Variants in GSE1 observed in about 807,000 individuals in gnomAD.
GSE1 encodes the protein genetic suppressor element 1.
In GSE1, 32 loss-of-function variants were observed where a neutral mutation model predicts 112.6. The ratio of observed to expected loss-of-function variants is 0.28; its 90% confidence interval spans 0.21 to 0.38. The LOEUF is 0.38. GSE1 is among the 10% of genes least tolerant of loss of function. The pLI is 1.00. For missense variants in GSE1, 2,348 were observed against 1,699.2 expected (o/e 1.38, Z -6.71); for synonymous variants, 1,115 against 735.6 (o/e 1.52, Z -8.35).
At chr16:85,484,293 C>T (rs1597908719) in intron 2 of GSE1, among the ~76,000 whole-genome samples, 1 of 152,346 alleles carries the variant, frequency 6.6e-6, no homozygotes, top group South Asian at 2.1e-4. Context: ...GGTCTGCGCT[C>T]AGAGCCAGCA....
intron 1 of GSE1, among the ~76,000 whole-genome samples, chr16:85,226,212 C>G (rs926071629): frequency 1.1e-4 from 17 of 152,158 alleles, no homozygotes; most frequent in Non-Finnish European, 2.2e-4. Flanking sequence ...GGCAGAGAGG[C>G]CGTCTATCAG....
upstream of GSE1, among the ~76,000 whole-genome samples, chr16:85,553,249 G>T (rs2045018462): frequency 6.7e-6 from 1 of 150,204 alleles, no homozygotes; most frequent in Admixed American, 6.6e-5. Context: ...GGTGGGGGCA[G>T]GGAGGGCAGG....
chr16:85,236,966 C>A (rs1904729787), intron 1 of GSE1, among the ~76,000 whole-genome samples: 1 of 152,312 alleles, frequency 6.6e-6, no homozygotes, highest in African/African-American at 2.4e-5. Context: ...CATTTATGAC[C>A]ACTGTCACCA....
chr16:85,536,884 C>G (rs985021517), intron 2 of GSE1, among the ~76,000 whole-genome samples: 8 of 152,232 alleles, frequency 5.3e-5, no homozygotes, highest in African/African-American at 1.9e-4. Flanking sequence ...TGTAGAAACT[C>G]AGGACCTGGA....
rs759634748 is a variant in GSE1 at position 85,373,789 on chromosome 16, G to A, written c.2464+16146G>A. 1.5e-4 allele frequency among the ~76,000 whole-genome samples: 23 copies of A among 152,130 alleles called. No homozygotes were observed. Among genetic ancestry groups the A allele is most frequent in the Non-Finnish European group, 2.1e-4 (14 of 68,008 alleles). ...GCAGGCCTGGGGACCCTGGATCCCC[G>A]AGGCAGCCCAGGGCAGGGTGATTGT... On this transcript the variant is annotated intron_variant, in intron 2 of 2. Coordinates refer to the GSE1 transcript ENST00000637419. This position sits in a 1 kb window ranked among gnomAD's most constrained non-coding sequence, Gnocchi z 5.1.
intron 2 of GSE1, among the ~76,000 whole-genome samples, chr16:85,465,699 ATGT>A (rs931262065): frequency 3.9e-5 from 6 of 152,150 alleles, no homozygotes; most frequent in African/African-American, 1.4e-4. Flanking sequence ...CTCATGGTCT[ATGT>A]TGTTGTTTTT....
At chr16:85,613,280 G>C, upstream of GSE1, 1 of 1,538,668 alleles carries the variant, frequency 6.5e-7, no homozygotes, top group South Asian at 1.2e-5. Flanking sequence ...CTCCCCAGCG[G>C]GCCCGAGCTG....
chr16:85,392,552 A>T (rs1202116123), intron 2 of GSE1, among the ~76,000 whole-genome samples: 1 of 152,188 alleles, frequency 6.6e-6, no homozygotes, highest in Non-Finnish European at 1.5e-5. Flanking sequence ...TGTGCTTTAA[A>T]TGGGATCATA....
In GSE1 at chr16:85,362,024, G is replaced by T. The variant is rs938491242; in HGVS notation, c.2464+4381G>T. 5.9e-5 allele frequency among the ~76,000 whole-genome samples: 9 copies of T among 152,320 alleles called. No individual in the cohort carries two copies. In the South Asian group the frequency reaches 6.2e-4, roughly 11 times the overall value. On this transcript the variant is annotated intron_variant, in intron 2 of 2. Transcript: ENST00000637419. ...GTTCCCAGGTGTTGCATTTGAAGTG[G>T]CCGTCTGGGAGGTGGCCACTTGCTG...
At chr16:85,246,332 C>CACACACA (rs566558868) in intron 1 of GSE1, among the ~76,000 whole-genome samples, 3 of 35,924 alleles carry the variant, frequency 8.4e-5, no homozygotes, top group Admixed American at 3.5e-4. Flanking sequence ...CACACACACA[C>CACACACA]CCCCCACACG....
intron 1 of GSE1, among the ~76,000 whole-genome samples, chr16:85,289,262 C>A (rs997408330): frequency 6.6e-6 from 1 of 152,174 alleles, no homozygotes; most frequent in African/African-American, 2.4e-5. Flanking sequence ...ATCCTCCCGC[C>A]ATTGGCCTCC....
At chr16:85,322,772 T>C (rs1036124719) in intron 1 of GSE1, among the ~76,000 whole-genome samples, 3 of 152,200 alleles carry the variant, frequency 2.0e-5, no homozygotes, top group South Asian at 2.1e-4. Context: ...TCCACCACCA[T>C]GCCTGGCTAA....
intron 2 of GSE1, among the ~76,000 whole-genome samples, chr16:85,461,886 G>C (rs2049978813): frequency 6.6e-6 from 1 of 152,098 alleles, no homozygotes; most frequent in East Asian, 1.9e-4. Flanking sequence ...CCTGAGAGCG[G>C]CAGGCAGCCC....
intron 2 of GSE1, among the ~76,000 whole-genome samples, chr16:85,404,593 GCC>G (rs1311684243): frequency 1.6e-5 from 1 of 62,900 alleles, no homozygotes; most frequent in African/African-American, 8.9e-5. Flanking sequence ...TTACACTCAG[GCC>G]CCCCGGATAA....
At chr16:85,398,627 C>G (rs78311856) in intron 2 of GSE1, among the ~76,000 whole-genome samples, 3,160 of 152,266 alleles carry the variant, frequency 0.021, 193 homozygotes, top group Admixed American at 0.13. Flanking sequence ...CTGCATGACT[C>G]TGGACCTCAG....
At chr16:85,418,226 T>C (rs1307314810) in intron 2 of GSE1, among the ~76,000 whole-genome samples, 1 of 152,218 alleles carries the variant, frequency 6.6e-6, no homozygotes, top group Non-Finnish European at 1.5e-5. Flanking sequence ...GGAAATGTGC[T>C]CCGGGAAGCG....
rs1193740358 is a variant in GSE1 at position 85,673,457 on chromosome 16, GTTGTT to G, written c.*922_*926del. On this transcript the variant is annotated 3_prime_UTR_variant, in exon 16 of 16. Coordinates refer to ENST00000253458, the MANE Select transcript of GSE1 (RefSeq NM_014615.5). ...TTTTTCCTGTTTGGGGGTTTTGTTT[GTTGTT>G]TTGGTTTTTTTTGGGCAAAAAAAAA... is the stretch of plus-strand genomic sequence containing the variant. 6 of 121,614 alleles carry G rather than the reference GTTGTT, an allele frequency of 4.9e-5. No homozygotes were observed. Among genetic ancestry groups the G allele is most frequent in the Admixed American group, 1.7e-4 (2 of 12,082 alleles). 7.5% of individuals were successfully genotyped at this position (121,614 alleles called of 1,614,324 possible). A position where few individuals can be genotyped will look rare whatever the true frequency, so the allele number is the denominator to read the frequency against.
chr16:85,473,485 G>A (rs1030321334), intron 2 of GSE1, among the ~76,000 whole-genome samples: 1 of 152,194 alleles, frequency 6.6e-6, no homozygotes, highest in African/African-American at 2.4e-5. Context: ...TGGCAGGGCC[G>A]GGCTCTCTCC....
intron 1 of GSE1, among the ~76,000 whole-genome samples, chr16:85,588,918 C>A (rs1031139815): frequency 1.3e-5 from 2 of 152,110 alleles, no homozygotes; most frequent in Admixed American, 6.5e-5. Context: ...TGAGAGTCCC[C>A]CCAGGGACTT....
Sources: gnomAD v4.1 joint callset for allele counts (sites outside exome capture counted in the v4.1 genomes callset) on GRCh38, gnomAD v4.1.1 for gene constraint, Gnocchi (gnomAD v3.1) non-coding constraint, MANE v1.5 for transcripts, NCBI Gene and HGNC (gene_info 2026-07-23, HGNC 2026-07-21) for gene names.